MCFD2: variants seen among roughly 807,000 people sequenced by gnomAD.
MCFD2 encodes multiple coagulation factor deficiency 2, ER cargo receptor complex subunit, also known as multiple coagulation factor deficiency protein 2.
Under a neutral mutation model 12.8 loss-of-function variants are expected in MCFD2, and 11 were observed. The observed-to-expected ratio is 0.86, with a 90% CI of 0.54 to 1.42. The LOEUF (loss-of-function observed/expected upper bound fraction) is 1.42, where lower values mean the gene tolerates loss of function less well. MCFD2 is among the 40% of genes most tolerant of loss of function. MCFD2 has a pLI of 0.00. For synonymous variants in MCFD2, 70 were observed against 68.1 expected, an observed-to-expected ratio of 1.03 and a Z score of -0.14; for missense variants, 191 against 178.6, an observed-to-expected ratio of 1.07 and a Z score of -0.40.
At chr2:46,934,554 G>A (rs562631523) in intron 1 of MCFD2, among the ~76,000 whole-genome samples, 36 of 152,252 alleles carry the variant, frequency 2.4e-4, no homozygotes, top group South Asian at 1.9e-3. Context: ...CATTACAGGT[G>A]TGAGCCACCC....
In MCFD2 at chr2:46,937,772, A is replaced by AAT. The variant is rs1486083043; in HGVS notation, c.-8+3799_-8+3800insAT. Among the ~76,000 whole-genome samples, 2 of 152,214 alleles carry AAT rather than the reference A, an allele frequency of 1.3e-5. No individual in the cohort carries two copies. The highest frequency in any genetic ancestry group is 2.9e-5 in the Non-Finnish European group (2 of 68,036). Reference sequence around the variant, plus strand: ...TTTCAAAGGCCATGGATTGCATAGGAAGCTGAAGGGGTTTGGGGAAGCTGT... The same window carrying AAT: ...TTTCAAAGGCCATGGATTGCATAGGAATAGCTGAAGGGGTTTGGGGAAGCTGT... On this transcript the variant is annotated intron_variant, in intron 1 of 2. Coordinates refer to the MCFD2 transcript ENST00000409147. This position sits in a 1 kb window ranked among gnomAD's most constrained non-coding sequence, Gnocchi z 4.0.
At chr2:46,929,842 T>C (rs909731248) in intron 1 of MCFD2, among the ~76,000 whole-genome samples, 2 of 152,182 alleles carry the variant, frequency 1.3e-5, no homozygotes, top group Admixed American at 1.3e-4. Context: ...TGTACAGAAG[T>C]GTTATGTGTC....
upstream of MCFD2, among the ~76,000 whole-genome samples, chr2:46,917,561 C>G (rs930985701): frequency 6.6e-6 from 1 of 152,234 alleles, no homozygotes; most frequent in African/African-American, 2.4e-5. Context: ...AAGCTGGTGT[C>G]TGGTAGATGG....
chr2:46,916,768 G>A (rs1451938013), upstream of MCFD2, among the ~76,000 whole-genome samples: 1 of 152,172 alleles, frequency 6.6e-6, no homozygotes, highest in Non-Finnish European at 1.5e-5. Flanking sequence ...CCGAGTAGCT[G>A]GGATTACAGG....
Position 46,905,301 on chromosome 2 carries a change from C to G in MCFD2, c.*162G>C. The G allele has an allele frequency of 1.3e-6, 1 of 750,334 alleles. No individual in the cohort carries two copies. The allele number at this position is 750,334 out of a possible 1,614,324, so 46.5% of individuals were successfully genotyped here. On this transcript the variant is annotated 3_prime_UTR_variant, in exon 4 of 4. Coordinates refer to ENST00000319466, the MANE Select transcript of MCFD2 (RefSeq NM_139279.6). ...TAGATGTCCCATTTCTCTTCTCTTT[C>G]ATTTCTCTTATCTCTTCTCACCCCA... is the stretch of plus-strand genomic sequence containing the variant.
intron 3 of MCFD2, 87 bp from the exon 4 acceptor site, chr2:46,905,681 A>C: frequency 1.1e-6 from 1 of 925,498 alleles, no homozygotes. Context: ...ATGTTCTTTC[A>C]TGGCACTGTT....
upstream of MCFD2, chr2:46,915,978 T>C (rs1004634102): frequency 1.9e-4 from 188 of 985,266 alleles, no homozygotes; most frequent in African/African-American, 2.8e-4. Flanking sequence ...GCAGTTCTTC[T>C]ACCTGCTTTC....
At chr2:46,921,931 T>C (rs927634364) in intron 1 of MCFD2, among the ~76,000 whole-genome samples, 7 of 152,214 alleles carry the variant, frequency 4.6e-5, no homozygotes, top group Non-Finnish European at 1.0e-4. Context: ...CAGTGCTCAC[T>C]TCCTGCTGTG....
At chr2:46,938,754 C>CT (rs1478028423) in intron 1 of MCFD2, among the ~76,000 whole-genome samples, 1 of 152,128 alleles carries the variant, frequency 6.6e-6, no homozygotes, top group African/African-American at 2.4e-5. Flanking sequence ...TGGCTCATGC[C>CT]TGTAATCCCA....
intron 1 of MCFD2, among the ~76,000 whole-genome samples, chr2:46,923,700 T>C (rs577724616): frequency 2.6e-5 from 4 of 152,072 alleles, no homozygotes; most frequent in Non-Finnish European, 5.9e-5. Flanking sequence ...GAGACCAGCC[T>C]GCACAACATA....
chr2:46,917,111 C>T (rs995409175), upstream of MCFD2: 16 of 692,038 alleles, frequency 2.3e-5, no homozygotes, highest in Non-Finnish European at 3.7e-5. Context: ...CCACCTTCAT[C>T]TGAGATTGAA....
chr2:46,924,854 T>C (rs1040637173), intron 1 of MCFD2, among the ~76,000 whole-genome samples: 1 of 152,258 alleles, frequency 6.6e-6, no homozygotes, highest in African/African-American at 2.4e-5. Context: ...ACTCGAGCTC[T>C]GGGCTCAAGC....
chr2:46,925,082 C>G (rs913799732), intron 1 of MCFD2, among the ~76,000 whole-genome samples: 1 of 152,316 alleles, frequency 6.6e-6, no homozygotes, highest in African/African-American at 2.4e-5. Flanking sequence ...TTCTGTAATA[C>G]AGATCTGTTT....
chr2:46,916,862 T>C (rs1173208971), upstream of MCFD2, among the ~76,000 whole-genome samples: 2 of 152,146 alleles, frequency 1.3e-5, no homozygotes, highest in South Asian at 2.1e-4. Context: ...CTCTAACTGC[T>C]GACCTCTTGA....
rs914068382 is a variant in MCFD2, at chr2:46,907,641, TC to T, written c.309+168del. 2 of 707,372 alleles carry T rather than the reference TC, an allele frequency of 2.8e-6. No homozygotes were observed. The highest frequency in any genetic ancestry group is 2.1e-5 in the Admixed American group (1 of 47,700). The allele number at this position is 707,372 out of a possible 1,614,324, so 43.8% of individuals were successfully genotyped here. ...TTGAACTCCTGGCTCAAGTGATCCT[TC>T]CACTTTGGCCTCCCAAAGTGCTGGG... On this transcript the variant is annotated intron_variant, in intron 3 of 3. Transcript: ENST00000319466. The surrounding 1 kb of genome is among the most constrained non-coding windows in gnomAD (Gnocchi z 4.1).
chr2:46,941,439 C>G lies in MCFD2; in HGVS notation c.-8+133G>C, dbSNP rs1243641515. 2.4e-6 allele frequency: 3 copies of G among 1,264,654 alleles called. No homozygotes were observed. Among genetic ancestry groups the G allele is most frequent in the African/African-American group, 3.1e-5 (2 of 64,282 alleles). The allele number at this position is 1,264,654 out of a possible 1,614,324, so 78.3% of individuals were successfully genotyped here. ...CCGCCCGGGCCCCGGCTGCCGTCTG[C>G]GCCCCCGTCGACCCCGCCCGCGAGT... is the stretch of plus-strand genomic sequence containing the variant. On this transcript the variant is annotated intron_variant, in intron 1 of 2. Coordinates refer to the MCFD2 transcript ENST00000409147. The surrounding 1 kb of genome is among the most constrained non-coding windows in gnomAD (Gnocchi z 4.2).
At chr2:46,938,311 A>G (rs554189960) in intron 1 of MCFD2, among the ~76,000 whole-genome samples, 2 of 152,238 alleles carry the variant, frequency 1.3e-5, no homozygotes, top group African/African-American at 2.4e-5. Flanking sequence ...ACAAAATATC[A>G]ATCTTAAACT....
upstream of MCFD2, chr2:46,917,090 C>T: frequency 1.5e-6 from 1 of 684,688 alleles, no homozygotes; most frequent in South Asian, 1.6e-5. Context: ...TTGACGGTCT[C>T]ATTCCTTTTC....
At chr2:46,932,812 G>A (rs976749012) in intron 1 of MCFD2, among the ~76,000 whole-genome samples, 1 of 149,414 alleles carries the variant, frequency 6.7e-6, no homozygotes, top group Non-Finnish European at 1.5e-5. Flanking sequence ...GAGGCAGGAG[G>A]ATCGCTTGAA....
Sources: allele counts gnomAD v4.1 joint callset (sites outside exome capture counted in the v4.1 genomes callset), GRCh38; gene constraint gnomAD v4.1.1; non-coding constraint Gnocchi (gnomAD v3.1); transcripts MANE v1.5; gene names NCBI Gene and HGNC (gene_info 2026-07-23, HGNC 2026-07-21).